Variants in RPA2 observed in about 807,000 individuals in gnomAD.
RPA2 encodes the protein replication protein A2, also known as replication protein A 32 kDa subunit.
RPA2 carries 22 observed loss-of-function variants against 33.4 expected under a neutral mutation model. That is an observed-to-expected ratio of 0.66 (90% confidence interval 0.47 to 0.94). RPA2 has a LOEUF of 0.94. Ranked by LOEUF, RPA2 falls within the 40% of genes least tolerant of loss-of-function variation. The probability of loss-of-function intolerance (pLI) is 0.00; values close to 1 mark genes in which losing one functional copy is unlikely to be tolerated. For synonymous variants in RPA2, 109 were observed against 114.9 expected (o/e 0.95, Z 0.33); for missense variants, 279 against 329.9 (o/e 0.85, Z 1.19).
chr1:27,892,261 A>G lies in RPA2; in HGVS notation c.729-14T>C, dbSNP rs376262125. The stretch of plus-strand genomic sequence containing the variant: ...TCCACAGCTTGCCTAGAAAGAAAGA[A>G]GAAAAAAAAAAGGTCATTTTCAGGC... On this transcript the variant is annotated splice_polypyrimidine_tract_variant and intron_variant, in intron 8 of 8. Coordinates refer to ENST00000373912, the MANE Select transcript of RPA2 (RefSeq NM_002946.5). 6.2e-7 allele frequency: 1 copy of G among 1,608,706 alleles called. No homozygotes were observed. Among genetic ancestry groups the G allele is most frequent in the Non-Finnish European group, 8.5e-7 (1 of 1,176,052 alleles).
chr1:27,910,232 C>A (rs1229915031), intron 2 of RPA2, among the ~76,000 whole-genome samples: 2 of 152,112 alleles, frequency 1.3e-5, no homozygotes, highest in Non-Finnish European at 2.9e-5. Context: ...TTTCTGAAAA[C>A]TGGGGATATA....
intron 6 of RPA2, among the ~76,000 whole-genome samples, chr1:27,896,263 G>A (rs1557464137): frequency 6.6e-6 from 1 of 152,076 alleles, no homozygotes; most frequent in Non-Finnish European, 1.5e-5. Flanking sequence ...CACGATCACA[G>A]CTCAATGCAG....
At chr1:27,895,656 G>A (rs946670734) in intron 6 of RPA2, among the ~76,000 whole-genome samples, 6 of 152,030 alleles carry the variant, frequency 3.9e-5, no homozygotes, top group African/African-American at 7.2e-5. Flanking sequence ...GCGTGAACCC[G>A]GGAGGCGGAG....
chr1:27,905,829 G>A (rs1176273486), intron 4 of RPA2, among the ~76,000 whole-genome samples: 1 of 152,062 alleles, frequency 6.6e-6, no homozygotes, highest in Non-Finnish European at 1.5e-5. Context: ...GGGTTTTACC[G>A]TGTTAGCCAG....
At chr1:27,906,630 A>G (rs941061285) in intron 4 of RPA2, among the ~76,000 whole-genome samples, 4 of 152,166 alleles carry the variant, frequency 2.6e-5, no homozygotes, top group African/African-American at 9.7e-5. Flanking sequence ...CGGACGTTGT[A>G]GTGAGCCGAG....
chr1:27,896,209 T>G (rs2089889558), intron 6 of RPA2, among the ~76,000 whole-genome samples: 1 of 152,200 alleles, frequency 6.6e-6, no homozygotes, highest in African/African-American at 2.4e-5. Flanking sequence ...TCTTTATTTT[T>G]TTTTGAGACA....
chr1:27,893,939 A>C (rs1396149246), intron 8 of RPA2, 73 bp downstream of exon 8: 5 of 1,305,942 alleles, frequency 3.8e-6, no homozygotes, highest in South Asian at 2.4e-5. Flanking sequence ...CCCACTTCTC[A>C]CTATCAGGAA....
intron 4 of RPA2, among the ~76,000 whole-genome samples, chr1:27,899,513 G>GAAAAAAA (rs67126026): frequency 3.7e-5 from 4 of 107,554 alleles, no homozygotes; most frequent in Non-Finnish European, 5.5e-5. Context: ...AAAAAAAAAA[G>GAAAAAAA]AAAAAAAAAA....
chr1:27,898,790 C>T (rs2089924705), intron 4 of RPA2, among the ~76,000 whole-genome samples: 1 of 152,080 alleles, frequency 6.6e-6, no homozygotes, highest in Admixed American at 6.5e-5. Flanking sequence ...ATCTCCTGAC[C>T]TCATGATCCA....
In RPA2 at chr1:27,914,553, A is replaced by T; in HGVS notation, c.-110T>A. On this transcript the variant is annotated 5_prime_UTR_variant, in exon 1 of 9. Transcript: ENST00000373912. ...GCCGCTCTGGCTACTTTTCTCTGGC[A>T]CCACAAACGCCTTCCCGCGAATGGC... 1 of 1,610,844 alleles carries T rather than the reference A, an allele frequency of 6.2e-7. No homozygotes were observed. Among genetic ancestry groups the T allele is most frequent in the Non-Finnish European group, 8.5e-7 (1 of 1,178,914 alleles).
intron 4 of RPA2, among the ~76,000 whole-genome samples, chr1:27,900,304 GTT>G (rs2089952759): frequency 6.6e-6 from 1 of 152,026 alleles, no homozygotes. Flanking sequence ...TAGAGACGGG[GTT>G]TTACCTTATT....
chr1:27,913,359 C>T (rs768588342), intron 2 of RPA2, among the ~76,000 whole-genome samples: 1 of 150,644 alleles, frequency 6.6e-6, no homozygotes, highest in Admixed American at 6.6e-5. Flanking sequence ...GAGGCTGAGG[C>T]GGGTGGATTA....
intron 2 of RPA2, among the ~76,000 whole-genome samples, chr1:27,913,683 G>A (rs1435990090): frequency 1.3e-5 from 2 of 152,058 alleles, no homozygotes; most frequent in Non-Finnish European, 1.5e-5. Flanking sequence ...TTGAGAGGCC[G>A]AGGTGGGAGG....
chr1:27,896,112 T>C (rs2089888179), intron 6 of RPA2, among the ~76,000 whole-genome samples: 1 of 152,240 alleles, frequency 6.6e-6, no homozygotes, highest in Non-Finnish European at 1.5e-5. Context: ...AGAATGTAAG[T>C]ATATAGTGTT....
rs754458743 is a variant in RPA2, at chr1:27,894,104, C to T, written c.636G>A (p.Val212=). 1 of 1,613,306 alleles carries T rather than the reference C, an allele frequency of 6.2e-7. No homozygotes were observed. Among genetic ancestry groups the T allele is most frequent in the Non-Finnish European group, 8.5e-7 (1 of 1,179,344 alleles). ...ANGLTVAQNQ[V]LNLIKACPRP... The stretch of plus-strand genomic sequence containing the variant: ...TTGGACAAGCCTTAATCAAATTCAA[C>T]ACCTGAAGATTCAAATCAGAAAGAT... Residue 212 remains valine, a splice_region_variant and synonymous_variant, in exon 8 of 9, where the codon GTG becomes GTA. Coordinates refer to ENST00000373912, the MANE Select transcript of RPA2 (RefSeq NM_002946.5).
At chr1:27,910,788 A>T (rs1374232426) in intron 2 of RPA2, among the ~76,000 whole-genome samples, 2 of 152,132 alleles carry the variant, frequency 1.3e-5, no homozygotes, top group African/African-American at 4.8e-5. Context: ...TGACCCCTGG[A>T]GTTAAGAGTC....
chr1:27,896,776 A>C (rs2089897050), intron 6 of RPA2, among the ~76,000 whole-genome samples: 1 of 152,214 alleles, frequency 6.6e-6, no homozygotes, highest in African/African-American at 2.4e-5. Context: ...CACAGGCCTC[A>C]GCTGTCCAGG....
At chr1:27,896,928 G>A in intron 6 of RPA2, 77 bp downstream of exon 6, 4 of 1,050,460 alleles carry the variant, frequency 3.8e-6, no homozygotes, top group Non-Finnish European at 5.7e-6. Context: ...AAATATCAAG[G>A]AAATCAAAGC....
In RPA2 at chr1:27,914,186, G is replaced by T. The variant is rs781679529; in HGVS notation, c.11-17C>A. The T allele has an allele frequency of 1.2e-5, 19 of 1,613,548 alleles. No homozygotes were observed. In the South Asian group the frequency reaches 2.0e-4, roughly 17 times the overall value. On this transcript the variant is annotated splice_polypyrimidine_tract_variant and intron_variant, in intron 1 of 8. Transcript: ENST00000373912. ...CGAATCCACCTGTTTTGAACAACAG[G>T]ATTAGTGCCTGTGCCACGTCCCACG...
Sources: gnomAD v4.1 joint callset for allele counts (sites outside exome capture counted in the v4.1 genomes callset) on GRCh38, gnomAD v4.1.1 for gene constraint, MANE v1.5 for transcripts, NCBI Gene and HGNC (gene_info 2026-07-23, HGNC 2026-07-21) for gene names.